The following LAMB1 variants were observed in gnomAD, a reference collection of about 807,000 sequenced individuals.
The protein encoded by LAMB1 is laminin subunit beta-1.
LAMB1 carries 121 observed loss-of-function variants against 222.3 expected under a neutral mutation model. The ratio of observed to expected loss-of-function variants is 0.54; its 90% CI spans 0.47 to 0.63. The LOEUF is 0.63. Ranked by LOEUF, LAMB1 falls within the 30% of genes least tolerant of loss-of-function variation. The pLI is 0.00. For synonymous variants in LAMB1, 794 were observed against 807.2 expected (o/e 0.98, Z 0.28); for missense variants, 2,172 against 2,240.8 (o/e 0.97, Z 0.62).
intron 10 of LAMB1, 82 bp from the exon 11 acceptor site, chr7:107,975,495 C>A: frequency 7.3e-7 from 1 of 1,377,240 alleles, no homozygotes; most frequent in South Asian, 1.5e-5. Context: ...TCCCTTCCTC[C>A]CTCTAAATCT....
chr7:107,929,575 C>T lies in LAMB1; in HGVS notation c.4582G>A (p.Val1528Ile), dbSNP rs760262818. 1.9e-6 allele frequency: 3 copies of T among 1,614,110 alleles called. No homozygotes were observed. Among genetic ancestry groups the T allele is most frequent in the Non-Finnish European group, 2.5e-6 (3 of 1,179,996 alleles). Residue 1528 changes from valine to isoleucine, a missense_variant, in exon 30 of 34, where the codon GTA becomes ATA. Transcript: ENST00000222399. ...LDSIEAVANEVLKMEMPSTPQ... is the reference protein window; with the variant it reads ...LDSIEAVANEILKMEMPSTPQ... ...GTGCTAGGCATCTCCATTTTCAATA[C>T]TTCATTAGCAACTGCTTCAATGCTG...
At chr7:107,974,135 A>G (rs968749863) in intron 12 of LAMB1, among the ~76,000 whole-genome samples, 1 of 152,034 alleles carries the variant, frequency 6.6e-6, no homozygotes, top group Non-Finnish European at 1.5e-5. Context: ...GATTATATAT[A>G]AATATACATA....
At chr7:107,933,563 A>T (rs1178702559) in intron 27 of LAMB1, among the ~76,000 whole-genome samples, 1 of 152,142 alleles carries the variant, frequency 6.6e-6, no homozygotes. Context: ...GACAGCACAC[A>T]TAGAAGATCT....
In LAMB1 at chr7:107,930,865, A is replaced by G. The variant is rs1381351759; in HGVS notation, c.4537+491T>C. On this transcript the variant is annotated intron_variant, in intron 29 of 33. Coordinates refer to ENST00000222399, the MANE Select transcript of LAMB1 (RefSeq NM_002291.3). ...TGGATATCTTATTAAGATGTGAGAT[A>G]ATAAACATCCTTTTTGATTAAGTCC... Among the ~76,000 whole-genome samples, 4 of 152,298 alleles carry G rather than the reference A, an allele frequency of 2.6e-5. No individual in the cohort carries two copies. In the East Asian group the frequency reaches 7.7e-4, roughly 29 times the overall value.
intron 5 of LAMB1, among the ~76,000 whole-genome samples, chr7:107,987,236 T>A (rs2034096765): frequency 6.6e-6 from 1 of 152,182 alleles, no homozygotes; most frequent in African/African-American, 2.4e-5. Context: ...TTGTATGAAA[T>A]ACCTAGAATT....
intron 23 of LAMB1, 122 bp from the exon 24 acceptor site, chr7:107,951,444 A>C (rs2033248619): frequency 2.4e-6 from 2 of 825,230 alleles, no homozygotes; most frequent in Admixed American, 2.6e-5. Context: ...GTCTCCATTG[A>C]CTAGGAAAAG....
intron 2 of LAMB1, 28 bp from the exon 3 acceptor site, chr7:108,001,761 G>A: frequency 2.5e-6 from 4 of 1,610,586 alleles, no homozygotes; most frequent in Non-Finnish European, 3.4e-6. Context: ...AACAGAGTTG[G>A]GGGGACACAA....
rs150351468 is a variant in LAMB1 at position 107,952,337 on chromosome 7, G to A, written c.3080-114C>T. The stretch of plus-strand genomic sequence containing the variant: ...CCACTTCACATCTTGACCTTGAAAT[G>A]CAAAGAAGGAAAGAAATGGAGGTGA... On this transcript the variant is annotated intron_variant, in intron 22 of 33. Transcript: ENST00000222399. 1,097 of 745,994 alleles carry A rather than the reference G, an allele frequency of 1.5e-3. 12 individuals are homozygous for A. In the East Asian group the frequency reaches 0.026, roughly 18 times the overall value. The allele number at this position is 745,994 out of a possible 1,614,324, so 46.2% of individuals were successfully genotyped here.
rs1357663298 is a variant in LAMB1, at chr7:107,951,992, C to T, written c.3294+17G>A. The stretch of plus-strand genomic sequence containing the variant: ...CCTGAGCTCATAAAGGCATCATCCC[C>T]AGCAGCAGCCCCTCACCTCATTGCA... On this transcript the variant is annotated intron_variant, in intron 23 of 33. Transcript: ENST00000222399. The T allele has an allele frequency of 3.1e-6, 5 of 1,595,472 alleles. No homozygotes were observed. The Admixed American group carries it at 6.7e-5, about 21-fold the overall frequency.
chr7:107,985,140 T>A (rs1490158993), intron 7 of LAMB1, among the ~76,000 whole-genome samples: 1 of 152,200 alleles, frequency 6.6e-6, no homozygotes, highest in Admixed American at 6.5e-5. Flanking sequence ...CAATCTTATA[T>A]CGGATGTATT....
intron 3 of LAMB1, among the ~76,000 whole-genome samples, chr7:107,999,461 T>C (rs1195856800): frequency 4.0e-5 from 6 of 151,790 alleles, no homozygotes; most frequent in Admixed American, 1.3e-4. Flanking sequence ...AGGGTAATAT[T>C]CTTATAAGGA....
intron 31 of LAMB1, among the ~76,000 whole-genome samples, chr7:107,926,860 G>T (rs2032578639): frequency 6.6e-6 from 1 of 152,136 alleles, no homozygotes; most frequent in South Asian, 2.1e-4. Context: ...CTATAGAATT[G>T]TGAGATGATG....
intron 5 of LAMB1, 72 bp downstream of exon 5, chr7:107,994,815 A>G (rs1336025682): frequency 1.2e-6 from 1 of 805,646 alleles, no homozygotes; most frequent in East Asian, 2.5e-5. Flanking sequence ...CTCACATCTG[A>G]CATCCATTTT....
chr7:107,991,449 T>A (rs150947002), intron 5 of LAMB1, among the ~76,000 whole-genome samples: 34 of 152,024 alleles, frequency 2.2e-4, no homozygotes, highest in Admixed American at 5.2e-4. Flanking sequence ...TAGCCGGGTG[T>A]GGTGGTACAT....
At chr7:107,966,986 G>A (rs1299572738) in intron 13 of LAMB1, among the ~76,000 whole-genome samples, 1 of 152,146 alleles carries the variant, frequency 6.6e-6, no homozygotes, top group African/African-American at 2.4e-5. Flanking sequence ...CATTCTTGTG[G>A]CTTTCCTATG....
intron 24 of LAMB1, among the ~76,000 whole-genome samples, chr7:107,948,820 C>T (rs1238924743): frequency 6.6e-6 from 1 of 152,004 alleles, no homozygotes. Context: ...CTCGTGCCAC[C>T]GGGATTGGCC....
At position 107,960,500 on chromosome 7, in the gene LAMB1, A is replaced by T. The variant is rs769388630; in HGVS notation, c.2259T>A (p.Asp753Glu). The T allele has an allele frequency of 2.5e-6, 4 of 1,614,064 alleles. No homozygotes were observed. The highest frequency in any genetic ancestry group is 3.4e-6 in the Non-Finnish European group (4 of 1,180,034). The part of the protein sequence containing the change: ...SRSVVKTPMT[D>E]VCRNIIFSIS... ...TGCTAAAGATGATGTTTCTGCAAAC[A>T]TCTGTCATCGGTGTTTTCACAACGC... Residue 753 changes from aspartate to glutamate, a missense_variant, in exon 18 of 34, where the codon GAT becomes GAA. Transcript: ENST00000222399.
At chr7:107,954,136 A>C (rs537644557) in intron 21 of LAMB1, among the ~76,000 whole-genome samples, 1 of 152,028 alleles carries the variant, frequency 6.6e-6, no homozygotes, top group Non-Finnish European at 1.5e-5. Context: ...GCATAGCTTC[A>C]TGTAGAAATC....
At chr7:107,986,740 G>GGTA (rs576547801) in intron 5 of LAMB1, among the ~76,000 whole-genome samples, 67 of 152,126 alleles carry the variant, frequency 4.4e-4, no homozygotes, top group Non-Finnish European at 6.2e-4. Context: ...ATTCAATAAA[G>GGTA]GTATGACTAC....
Sources: allele counts gnomAD v4.1 joint callset (sites outside exome capture counted in the v4.1 genomes callset), GRCh38; gene constraint gnomAD v4.1.1; transcripts MANE v1.5; gene names NCBI Gene and HGNC (gene_info 2026-07-23, HGNC 2026-07-21).